CTDSPL: variants seen among roughly 807,000 people sequenced by gnomAD.
CTDSPL encodes the protein CTD small phosphatase like, also known as CTD small phosphatase-like protein.
In CTDSPL, 8 loss-of-function variants were observed where a neutral mutation model predicts 30.5. That is an observed-to-expected ratio of 0.26 (90% CI 0.15 to 0.47). The LOEUF (loss-of-function observed/expected upper bound fraction) is 0.47. Among genes scored for constraint, CTDSPL ranks in the 20% least tolerant of loss-of-function variants. The probability of loss-of-function intolerance (pLI) is 0.99; values close to 1 mark genes in which losing one functional copy is unlikely to be tolerated. For missense variants in CTDSPL, 248 were observed against 366.1 expected (o/e 0.68, Z 2.63); for synonymous variants, 110 against 137.9 (o/e 0.80, Z 1.42).
chr3:37,910,262 C>T (rs1230787727), intron 1 of CTDSPL, among the ~76,000 whole-genome samples: 1 of 152,096 alleles, frequency 6.6e-6, no homozygotes, highest in Non-Finnish European at 1.5e-5. Context: ...GGTGGGTCAC[C>T]TGAGGTTAGG....
chr3:37,885,234 T>A (rs1025210597), intron 1 of CTDSPL, among the ~76,000 whole-genome samples: 1 of 151,898 alleles, frequency 6.6e-6, no homozygotes, highest in African/African-American at 2.4e-5. Context: ...AGGATAGGAG[T>A]TTATGGCCAA....
chr3:37,907,162 T>C (rs76731264), intron 1 of CTDSPL, among the ~76,000 whole-genome samples: 1,765 of 152,284 alleles, frequency 0.012, 31 homozygotes, highest in African/African-American at 0.039. Context: ...ATGACCTAAG[T>C]GATACCAAAT....
chr3:37,911,967 C>G lies in CTDSPL; in HGVS notation c.80-35090C>G, dbSNP rs975748591. On this transcript the variant is annotated intron_variant, in intron 1 of 7. Coordinates refer to ENST00000273179, the MANE Select transcript of CTDSPL (RefSeq NM_001008392.2). ...GTCCCAGCTACTCGGGAGGCTGAGG[C>G]AGGAGAACTGCTTGAACCTGGGAGG... 3.0e-4 allele frequency: 79 copies of G among 260,002 alleles called. 1 individual carries two copies. In the Admixed American group the frequency reaches 3.8e-3, roughly 12 times the overall value. 16.1% of individuals were successfully genotyped at this position (260,002 alleles called of 1,614,324 possible). A position where few individuals can be genotyped will look rare whatever the true frequency, so the allele number is the denominator to read the frequency against.
At chr3:37,930,501 G>A (rs75311765) in intron 1 of CTDSPL, among the ~76,000 whole-genome samples, 1,734 of 151,834 alleles carry the variant, frequency 0.011, 32 homozygotes, top group African/African-American at 0.039. Flanking sequence ...TTGAGATGAG[G>A]TCTTGCTGTG....
At chr3:37,907,143 G>T (rs1698527903) in intron 1 of CTDSPL, among the ~76,000 whole-genome samples, 1 of 152,110 alleles carries the variant, frequency 6.6e-6, no homozygotes, top group Non-Finnish European at 1.5e-5. Context: ...TCAATTTTAG[G>T]ATCAAAGCAT....
intron 1 of CTDSPL, among the ~76,000 whole-genome samples, chr3:37,927,904 C>T (rs955691851): frequency 2.0e-5 from 3 of 151,888 alleles, no homozygotes; most frequent in Non-Finnish European, 2.9e-5. Flanking sequence ...TGTGAGTTTG[C>T]CTGCATTAAA....
rs1321608506 is a variant in CTDSPL at position 37,982,245 on chromosome 3, T to G, written c.*1378T>G. 6.4e-6 allele frequency: 2 copies of G among 314,730 alleles called. No homozygotes were observed. The highest frequency in any genetic ancestry group is 1.3e-5 in the Non-Finnish European group (2 of 159,174). The allele number at this position is 314,730 out of a possible 1,614,324, so 19.5% of individuals were successfully genotyped here. A position where few individuals can be genotyped will look rare whatever the true frequency, so the allele number is the denominator to read the frequency against. On this transcript the variant is annotated 3_prime_UTR_variant, in exon 8 of 8. Coordinates refer to ENST00000273179, the MANE Select transcript of CTDSPL (RefSeq NM_001008392.2). ...GCACAGCCTATTTCTGAGCCAAGGG[T>G]TGGGGAAGCCTGTCTAGATGTGGGA...
At chr3:37,876,407 G>C (rs577721858) in intron 1 of CTDSPL, among the ~76,000 whole-genome samples, 1 of 152,212 alleles carries the variant, frequency 6.6e-6, no homozygotes, top group African/African-American at 2.4e-5. Context: ...TATTATCTGT[G>C]GTGGTACCAT....
intron 1 of CTDSPL, among the ~76,000 whole-genome samples, chr3:37,906,418 T>A (rs536385751): frequency 6.6e-6 from 1 of 152,172 alleles, no homozygotes; most frequent in African/African-American, 2.4e-5. Context: ...AATGCTTCCC[T>A]TATTAAAGTC....
chr3:37,919,097 C>G (rs985605867), intron 1 of CTDSPL, among the ~76,000 whole-genome samples: 14 of 152,128 alleles, frequency 9.2e-5, no homozygotes, highest in African/African-American at 3.1e-4. Flanking sequence ...TAGTCGCTAC[C>G]AGGGCCTTCC....
intron 1 of CTDSPL, among the ~76,000 whole-genome samples, chr3:37,872,539 CTTTTTTT>C (rs34657967): frequency 2.0e-5 from 1 of 51,036 alleles, no homozygotes; most frequent in Non-Finnish European, 3.9e-5. Context: ...TACTTAGGCT[CTTTTTTT>C]TTTTTTTTTT....
chr3:37,878,101 T>TTTTG lies in CTDSPL; in HGVS notation c.79+15843_79+15846dup, dbSNP rs963855672. 2.0e-4 allele frequency among the ~76,000 whole-genome samples: 31 copies of TTTTG among 152,268 alleles called. No homozygotes were observed. In the South Asian group the frequency reaches 3.9e-3, roughly 19 times the overall value. On this transcript the variant is annotated intron_variant, in intron 1 of 7. Transcript: ENST00000273179. ...CCTCATCACACTTGTTATCTTCTGT[T>TTTTG]TTTGTTTGTTTGTTTGTTTGTTTTT...
intron 1 of CTDSPL, among the ~76,000 whole-genome samples, chr3:37,871,185 A>G (rs1461825673): frequency 6.6e-6 from 1 of 152,160 alleles, no homozygotes; most frequent in Admixed American, 6.5e-5. Flanking sequence ...CTTTTCTAGA[A>G]CGTCATATAC....
intron 1 of CTDSPL, among the ~76,000 whole-genome samples, chr3:37,893,201 G>A (rs1303925917): frequency 6.6e-6 from 1 of 152,216 alleles, no homozygotes; most frequent in Non-Finnish European, 1.5e-5. Flanking sequence ...TTGGATGTCA[G>A]AGGCTAGTTA....
chr3:37,938,679 G>GTTT (rs11427503), intron 1 of CTDSPL, among the ~76,000 whole-genome samples: 2 of 143,502 alleles, frequency 1.4e-5, no homozygotes, highest in African/African-American at 5.0e-5. Flanking sequence ...TTTTTTGTGG[G>GTTT]TTTTTTTTTT....
intron 1 of CTDSPL, among the ~76,000 whole-genome samples, chr3:37,876,052 G>C (rs941463147): frequency 4.6e-5 from 7 of 151,928 alleles, no homozygotes; most frequent in African/African-American, 1.7e-4. Flanking sequence ...AGACCAGCCT[G>C]GAAAACATAG....
chr3:37,901,547 A>G (rs935549643), intron 1 of CTDSPL, among the ~76,000 whole-genome samples: 3 of 152,214 alleles, frequency 2.0e-5, no homozygotes, highest in Non-Finnish European at 4.4e-5. Flanking sequence ...CTTAGACCTA[A>G]TAATAGTAAT....
intron 4 of CTDSPL, 84 bp downstream of exon 4, chr3:37,964,756 G>C: frequency 9.4e-7 from 1 of 1,061,660 alleles, no homozygotes; most frequent in East Asian, 2.4e-5. Flanking sequence ...AAGGATGAAA[G>C]CTTATGGTGG....
intron 7 of CTDSPL, among the ~76,000 whole-genome samples, chr3:37,977,335 G>T (rs1283760549): frequency 6.6e-6 from 1 of 152,142 alleles, no homozygotes; most frequent in African/African-American, 2.4e-5. Flanking sequence ...AAAGATCCAT[G>T]CATTGCTTTG....
Sources: gnomAD v4.1 joint callset for allele counts (sites outside exome capture counted in the v4.1 genomes callset) on GRCh38, gnomAD v4.1.1 for gene constraint, MANE v1.5 for transcripts, NCBI Gene and HGNC (gene_info 2026-07-23, HGNC 2026-07-21) for gene names.